Variants in ASPRV1 observed in about 807,000 individuals in gnomAD.
ASPRV1 encodes retroviral-like aspartic protease 1.
Under a neutral mutation model 11.0 loss-of-function variants are expected in ASPRV1, and 7 were observed. The ratio of observed to expected loss-of-function variants is 0.64; its 90% CI spans 0.36 to 1.20. The LOEUF (loss-of-function observed/expected upper bound fraction) is 1.20. ASPRV1 is among the 50% of genes most tolerant of loss of function. ASPRV1 has a pLI of 0.02. For synonymous variants in ASPRV1, 136 were observed against 138.4 expected (o/e 0.98, Z 0.12); for missense variants, 299 against 320.0 (o/e 0.93, Z 0.50).
In ASPRV1 at chr2:69,960,769, C is replaced by T; in HGVS notation, c.668G>A (p.Gly223Glu). ...CACAGGCAGAAGGCGAAACTTCTTC[C>T]CTTTCAGGGTGCATGTGCGGTGCTC... ...DFEHRTCTLK[G>E]KKFRLLPVGG... Residue 223 changes from glycine (G) to glutamate (E), a missense_variant, in exon 1 of 1, where the codon GGG (glycine) becomes GAG (glutamate). Transcript: ENST00000320256. 6.2e-7 allele frequency: 1 copy of T among 1,614,146 alleles called. No individual in the cohort carries two copies. Among genetic ancestry groups the T allele is most frequent in the Non-Finnish European group, 8.5e-7 (1 of 1,180,014 alleles).
upstream of ASPRV1, among the ~76,000 whole-genome samples, chr2:69,964,929 G>A (rs1380974445): frequency 2.6e-5 from 4 of 152,152 alleles, no homozygotes; most frequent in Admixed American, 2.6e-4. Context: ...CCTCAGGCCA[G>A]TTGGGCAAAT....
At chr2:70,051,318 GA>G in the ASPRV1 span, 2 of 152,094 alleles carry the variant, frequency 1.3e-5, no homozygotes, top group Non-Finnish European at 2.9e-5. Flanking sequence ...GTCAGATGAG[GA>G]AGACAAAAAA....
At chr2:70,070,417 T>A in the ASPRV1 span, 1 of 152,020 alleles carries the variant, frequency 6.6e-6, no homozygotes, top group Non-Finnish European at 1.5e-5. Context: ...ACAATATCAT[T>A]CATACACGAA....
chr2:69,985,507 C>T, the ASPRV1 span, among the ~76,000 whole-genome samples: 2 of 152,140 alleles, frequency 1.3e-5, no homozygotes, highest in African/African-American at 2.4e-5. Context: ...TTCTTTGTGT[C>T]CTTGGGGATC....
chr2:69,937,273 C>T, the ASPRV1 span: 211 of 1,614,122 alleles, frequency 1.3e-4, no homozygotes, highest in African/African-American at 3.1e-4. Flanking sequence ...TTCACCAAAT[C>T]GACCAGCTTC....
chr2:69,978,646 G>A, the ASPRV1 span, among the ~76,000 whole-genome samples: 1 of 152,198 alleles, frequency 6.6e-6, no homozygotes, highest in Non-Finnish European at 1.5e-5. Flanking sequence ...GGTTAAGAAA[G>A]CCCTTTCCCA....
chr2:70,008,752 T>C, the ASPRV1 span, among the ~76,000 whole-genome samples: 3 of 152,114 alleles, frequency 2.0e-5, no homozygotes, highest in Non-Finnish European at 4.4e-5. Flanking sequence ...CACCCCTGGC[T>C]AGCCCTACCA....
At chr2:70,061,409 AC>A in the ASPRV1 span, among the ~76,000 whole-genome samples, 37 of 151,506 alleles carry the variant, frequency 2.4e-4, no homozygotes, top group African/African-American at 8.7e-4. Context: ...AAAAAAAAAA[AC>A]AAAAAAAAAC....
the ASPRV1 span, among the ~76,000 whole-genome samples, chr2:69,986,983 A>C: frequency 6.6e-6 from 1 of 152,176 alleles, no homozygotes; most frequent in Non-Finnish European, 1.5e-5. Flanking sequence ...GAGGGGGCTT[A>C]GAACTGTGGA....
the ASPRV1 span, among the ~76,000 whole-genome samples, chr2:69,974,130 G>A: frequency 2.6e-5 from 4 of 152,144 alleles, no homozygotes; most frequent in African/African-American, 9.7e-5. Context: ...CTGACGTCAG[G>A]AGTTCGAGAC....
the ASPRV1 span, chr2:70,031,949 T>C: frequency 6.6e-6 from 1 of 152,106 alleles, no homozygotes; most frequent in African/African-American, 2.4e-5. Flanking sequence ...AGAAATGAGG[T>C]CACTTTCTTA....
chr2:70,014,796 C>CAAAAAAAA, the ASPRV1 span, among the ~76,000 whole-genome samples: 55 of 73,906 alleles, frequency 7.4e-4, no homozygotes, highest in African/African-American at 1.4e-3. Flanking sequence ...GACCTTGTCT[C>CAAAAAAAA]AAAAAAAAAA....
At chr2:69,952,361 T>G in the ASPRV1 span, among the ~76,000 whole-genome samples, 2 of 151,928 alleles carry the variant, frequency 1.3e-5, no homozygotes, top group Non-Finnish European at 2.9e-5. Flanking sequence ...AATACAAAAA[T>G]TAGGCATGGT....
chr2:69,970,117 T>C, the ASPRV1 span, among the ~76,000 whole-genome samples: 1 of 152,012 alleles, frequency 6.6e-6, no homozygotes, highest in African/African-American at 2.4e-5. Flanking sequence ...CCTCCACCCC[T>C]TTCTCACGGC....
chr2:69,973,608 A>C, the ASPRV1 span, among the ~76,000 whole-genome samples: 1 of 152,342 alleles, frequency 6.6e-6, no homozygotes, highest in East Asian at 1.9e-4. Context: ...TGGACCTCCC[A>C]AAGTGCTGGG....
At chr2:69,958,350 A>G (rs934090756), downstream of ASPRV1, among the ~76,000 whole-genome samples, 4 of 152,032 alleles carry the variant, frequency 2.6e-5, no homozygotes, top group Non-Finnish European at 5.9e-5. Context: ...TCTAGGAGAG[A>G]AAACTGGCTG....
At chr2:70,075,313 T>C in the ASPRV1 span, 2 of 134,872 alleles carry the variant, frequency 1.5e-5, no homozygotes, top group African/African-American at 5.7e-5. Flanking sequence ...GGTTTCACCG[T>C]GTTAGCCAGA....
the ASPRV1 span, among the ~76,000 whole-genome samples, chr2:70,063,699 T>A: frequency 2.6e-5 from 4 of 151,176 alleles, no homozygotes; most frequent in Non-Finnish European, 5.9e-5. Flanking sequence ...CATTTTAAAG[T>A]AAAGAGCCCA....
At chr2:69,956,940 A>G (rs2104260610), downstream of ASPRV1, among the ~76,000 whole-genome samples, 1 of 152,344 alleles carries the variant, frequency 6.6e-6, no homozygotes, top group East Asian at 1.9e-4. Context: ...GGCGTCCTCA[A>G]AACTATCAGG....
Sources: gnomAD v4.1 joint callset for allele counts (sites outside exome capture counted in the v4.1 genomes callset) on GRCh38, gnomAD v4.1.1 for gene constraint, MANE v1.5 for transcripts, NCBI Gene and HGNC (gene_info 2026-07-23, HGNC 2026-07-21) for gene names.